CRYZL1: variants seen among roughly 807,000 people sequenced by gnomAD.
The protein encoded by CRYZL1 is ferry endosomal RAB5 effector complex subunit 4.
CRYZL1 carries 34 observed loss-of-function variants against 50.6 expected under a neutral mutation model. That is an observed-to-expected ratio of 0.67 (90% CI 0.51 to 0.89). CRYZL1 has a LOEUF of 0.89. CRYZL1 is among the 40% of genes least tolerant of loss of function. CRYZL1 has a pLI of 0.00. For synonymous variants in CRYZL1, 125 were observed against 134.3 expected, an observed-to-expected ratio of 0.93 and a Z score of 0.48; for missense variants, 354 against 402.3, an observed-to-expected ratio of 0.88 and a Z score of 1.03.
At chr21:33,596,084 T>A in intron 10 of CRYZL1, 1 of 565,334 alleles carries the variant, frequency 1.8e-6, no homozygotes, top group Non-Finnish European at 3.4e-6. Flanking sequence ...GTGGTAGGGG[T>A]GTGTGTGTGT....
intron 7 of CRYZL1, 161 bp downstream of exon 7, chr21:33,603,243 A>C (rs1569084399): frequency 1.3e-6 from 1 of 747,082 alleles, no homozygotes; most frequent in Non-Finnish European, 2.1e-6. Flanking sequence ...TTGATCTTCT[A>C]TTGATAAAAG....
At chr21:33,617,843 AT>A (rs2086952102) in intron 4 of CRYZL1, among the ~76,000 whole-genome samples, 1 of 152,096 alleles carries the variant, frequency 6.6e-6, no homozygotes, top group Non-Finnish European at 1.5e-5. Flanking sequence ...TGTGGATTTC[AT>A]TTCTGCCTTT....
At chr21:33,637,216 C>T (rs761786206) in intron 1 of CRYZL1, among the ~76,000 whole-genome samples, 42 of 151,952 alleles carry the variant, frequency 2.8e-4, no homozygotes, top group Non-Finnish European at 5.3e-4. Context: ...GAGGCCGAGG[C>T]GGGCGGATCA....
At chr21:33,604,142 C>A (rs1470914854) in intron 6 of CRYZL1, among the ~76,000 whole-genome samples, 3 of 151,922 alleles carry the variant, frequency 2.0e-5, no homozygotes, top group Non-Finnish European at 2.9e-5. Flanking sequence ...CCGAGGCGGG[C>A]GGATCACGAG....
intron 12 of CRYZL1, among the ~76,000 whole-genome samples, chr21:33,590,424 T>C (rs1215695248): frequency 4.4e-5 from 6 of 136,708 alleles, no homozygotes. Context: ...ATTTACTCCC[T>C]CTTTTTTTCT....
At chr21:33,634,004 G>A (rs1393647755) in intron 1 of CRYZL1, among the ~76,000 whole-genome samples, 1 of 152,172 alleles carries the variant, frequency 6.6e-6, no homozygotes, top group Admixed American at 6.5e-5. Flanking sequence ...ATGGTTGTTG[G>A]TTTCTCGGAC....
chr21:33,601,001 A>C (rs2086750516), intron 8 of CRYZL1, among the ~76,000 whole-genome samples: 1 of 131,458 alleles, frequency 7.6e-6, no homozygotes, highest in Non-Finnish European at 1.5e-5. Flanking sequence ...CACTGACACG[A>C]TCTCGGCTCA....
Position 33,640,285 on chromosome 21 carries a change from G to A in CRYZL1, c.-7+1396C>T, listed in dbSNP as rs539532114. On this transcript the variant is annotated intron_variant, in intron 1 of 12. Coordinates refer to ENST00000381554, the MANE Select transcript of CRYZL1 (RefSeq NM_145858.3). ...AACTACCTCACTTTCAAATCTAAAC[G>A]TCTTATCCCCTGCTGTAAGCTGGAA... 1,930 of 1,503,266 alleles carry A rather than the reference G, an allele frequency of 1.3e-3. 2 individuals carry two copies. Among genetic ancestry groups the A allele is most frequent in the Non-Finnish European group, 1.6e-3 (1,804 of 1,120,650 alleles). 93.1% of individuals were successfully genotyped at this position (1,503,266 alleles called of 1,614,324 possible). A position where few individuals can be genotyped will look rare whatever the true frequency, so the allele number is the denominator to read the frequency against.
At chr21:33,598,109 C>T (rs2086714394) in intron 9 of CRYZL1, among the ~76,000 whole-genome samples, 1 of 151,856 alleles carries the variant, frequency 6.6e-6, no homozygotes, top group South Asian at 2.1e-4. Context: ...ATTTGAAAAC[C>T]AGGCAAAGTA....
Position 33,589,485 on chromosome 21 carries a change from A to G in CRYZL1, c.*337T>C, listed in dbSNP as rs940212713. 28 of 419,400 alleles carry G rather than the reference A, an allele frequency of 6.7e-5. No homozygotes were observed. Among genetic ancestry groups the G allele is most frequent in the African/African-American group, 5.6e-4 (27 of 48,634 alleles). 26.0% of individuals were successfully genotyped at this position (419,400 alleles called of 1,614,324 possible). A position where few individuals can be genotyped will look rare whatever the true frequency, so the allele number is the denominator to read the frequency against. ...CTTTGATAGCTTAGCAAAGGCCTGC[A>G]ACAGCTTTTATCAAGAGTAGTGTGA... is the stretch of plus-strand genomic sequence containing the variant. On this transcript the variant is annotated 3_prime_UTR_variant, in exon 13 of 13. Transcript: ENST00000381554.
At chr21:33,625,884 C>G (rs567032020) in intron 2 of CRYZL1, among the ~76,000 whole-genome samples, 10 of 152,146 alleles carry the variant, frequency 6.6e-5, no homozygotes, top group African/African-American at 2.4e-4. Context: ...TGGTCTTGAG[C>G]TCCTGGGCTA....
chr21:33,624,748 C>A lies in CRYZL1; in HGVS notation c.79G>T (p.Val27Phe). 1.3e-6 allele frequency: 2 copies of A among 1,595,268 alleles called. No individual in the cohort carries two copies. The highest frequency in any genetic ancestry group is 1.7e-6 in the Non-Finnish European group (2 of 1,175,498). ...AGTTTCACAAAGTTATCCTCTGTAA[C>A]AGGAAGATCTTCCTAGAACCAAATG... The part of the protein sequence containing the change: ...FVFQEKEDLP[V>F]TEDNFVKLQV... The change falls in exon 3 of 13, where the codon GTT becomes TTT. Residue 27 changes from valine to phenylalanine, a missense_variant. Coordinates refer to ENST00000381554, the MANE Select transcript of CRYZL1 (RefSeq NM_145858.3).
chr21:33,616,085 A>G (rs531398466), intron 5 of CRYZL1, among the ~76,000 whole-genome samples: 6 of 112,550 alleles, frequency 5.3e-5, no homozygotes, highest in Non-Finnish European at 1.1e-4. Flanking sequence ...TCCCCCCCCC[A>G]ACCCCACCAC....
intron 3 of CRYZL1, among the ~76,000 whole-genome samples, chr21:33,624,022 CTATTT>C (rs1360702261): frequency 6.6e-6 from 1 of 151,844 alleles, no homozygotes; most frequent in Admixed American, 6.6e-5. Context: ...TTTCTAGTTT[CTATTT>C]TATTATTTAT....
chr21:33,602,205 T>C (rs753927936), intron 8 of CRYZL1, 29 bp downstream of exon 8: 1 of 1,208,794 alleles, frequency 8.3e-7, no homozygotes, highest in East Asian at 2.3e-5. Context: ...ATTTCCTGTT[T>C]TAAAGTCTGT....
rs116437245 is a variant in CRYZL1, at chr21:33,600,082, A to G, written c.578-834T>C. ...AAAAATGCACTCTATACCCCAATAA[A>G]CCGATCGTAACATTTAAAAAATCCT... On this transcript the variant is annotated intron_variant, in intron 8 of 12. Transcript: ENST00000381554. Among the ~76,000 whole-genome samples the G allele has an allele frequency of 5.5e-3, 832 of 152,184 alleles. 8 individuals carry two copies. The highest frequency in any genetic ancestry group is 0.019 in the African/African-American group (793 of 41,522).
intron 1 of CRYZL1, among the ~76,000 whole-genome samples, chr21:33,634,204 A>G (rs1226772078): frequency 6.6e-6 from 1 of 152,218 alleles, no homozygotes; most frequent in Non-Finnish European, 1.5e-5. Flanking sequence ...GGAGAACCGA[A>G]GCATGGATAC....
chr21:33,592,453 C>T (rs1486467080), intron 11 of CRYZL1, among the ~76,000 whole-genome samples: 1 of 152,004 alleles, frequency 6.6e-6, no homozygotes, highest in Non-Finnish European at 1.5e-5. Context: ...TATTTTTGAT[C>T]CTTGATTGGT....
intron 4 of CRYZL1, among the ~76,000 whole-genome samples, chr21:33,619,472 T>C (rs931172494): frequency 6.6e-6 from 1 of 152,260 alleles, no homozygotes; most frequent in African/African-American, 2.4e-5. Context: ...TGCTTCATTT[T>C]AGGAAGGCAG....
Sources: gnomAD v4.1 joint callset for allele counts (sites outside exome capture counted in the v4.1 genomes callset) on GRCh38, gnomAD v4.1.1 for gene constraint, MANE v1.5 for transcripts, NCBI Gene and HGNC (gene_info 2026-07-23, HGNC 2026-07-21) for gene names.